The following SUCLG2 variants were observed in gnomAD, a reference collection of about 807,000 sequenced individuals.
SUCLG2 encodes the protein succinate--CoA ligase [GDP-forming] subunit beta, mitochondrial.
A neutral mutation model predicts 47.9 loss-of-function variants in SUCLG2; 42 were observed. The ratio of observed to expected loss-of-function variants is 0.88; its 90% CI spans 0.69 to 1.14. The LOEUF (loss-of-function observed/expected upper bound fraction) is 1.14, where lower values mean the gene tolerates loss of function less well. Ranked by LOEUF, SUCLG2 falls within the 50% of genes most tolerant of loss-of-function variation. The pLI is 0.00. For synonymous variants in SUCLG2, 195 were observed against 197.3 expected (o/e 0.99, Z 0.10); for missense variants, 571 against 525.9 (o/e 1.09, Z -0.84).
chr3:67,536,085 C>A (rs1706534149), intron 2 of SUCLG2, among the ~76,000 whole-genome samples: 2 of 152,148 alleles, frequency 1.3e-5, no homozygotes, highest in Non-Finnish European at 2.9e-5. Context: ...TAAGGGGATT[C>A]TCTCGTCGAC....
chr3:67,549,844 T>A (rs1251527913), intron 2 of SUCLG2, among the ~76,000 whole-genome samples: 1 of 152,164 alleles, frequency 6.6e-6, no homozygotes, highest in African/African-American at 2.4e-5. Flanking sequence ...TTGTAATGGA[T>A]AAATTTTTTC....
intron 6 of SUCLG2, among the ~76,000 whole-genome samples, chr3:67,511,378 T>C (rs1039505189): frequency 2.0e-5 from 3 of 152,190 alleles, no homozygotes; most frequent in African/African-American, 4.8e-5. Flanking sequence ...TTGTAATAAT[T>C]CCCACGTGTT....
intron 6 of SUCLG2, 46 bp downstream of exon 6, chr3:67,518,201 T>G: frequency 2.0e-6 from 3 of 1,498,604 alleles, no homozygotes; most frequent in South Asian, 1.2e-5. Flanking sequence ...TTCCCAAATG[T>G]TTTCTGAAAC....
intron 9 of SUCLG2, among the ~76,000 whole-genome samples, chr3:67,442,202 G>A (rs917941693): frequency 1.3e-5 from 2 of 151,450 alleles, no homozygotes; most frequent in African/African-American, 4.9e-5. Flanking sequence ...AGTAGAGACG[G>A]GGTTTCACCG....
chr3:67,624,171 T>C (rs997329190), intron 1 of SUCLG2, among the ~76,000 whole-genome samples: 1 of 152,256 alleles, frequency 6.6e-6, no homozygotes, highest in Non-Finnish European at 1.5e-5. Context: ...AGACTTCTCA[T>C]CACTTCTTTA....
At chr3:67,386,087 C>G (rs1702251279) in intron 10 of SUCLG2, among the ~76,000 whole-genome samples, 1 of 151,976 alleles carries the variant, frequency 6.6e-6, no homozygotes, top group African/African-American at 2.4e-5. Flanking sequence ...GTAACAGACA[C>G]TTTATTTATT....
intron 1 of SUCLG2, among the ~76,000 whole-genome samples, chr3:67,639,577 C>A (rs527825412): frequency 7.2e-5 from 11 of 152,118 alleles, no homozygotes; most frequent in African/African-American, 2.4e-4. Context: ...AGACAACATG[C>A]CCTTAAAGAA....
chr3:67,647,189 CAA>C (rs1345726958), intron 1 of SUCLG2, among the ~76,000 whole-genome samples: 1 of 152,178 alleles, frequency 6.6e-6, no homozygotes, highest in Non-Finnish European at 1.5e-5. Flanking sequence ...CCACAGGACC[CAA>C]ACTTACACAA....
intron 2 of SUCLG2, among the ~76,000 whole-genome samples, chr3:67,592,432 A>C (rs2772468): frequency 6.6e-6 from 1 of 151,954 alleles, no homozygotes; most frequent in Admixed American, 6.6e-5. Flanking sequence ...AGCAACTTCA[A>C]ATACAATCTC....
intron 9 of SUCLG2, among the ~76,000 whole-genome samples, chr3:67,430,087 G>A (rs1448849259): frequency 6.6e-6 from 1 of 152,146 alleles, no homozygotes; most frequent in Non-Finnish European, 1.5e-5. Context: ...ACTCAGCTCT[G>A]CACCAAGTGG....
At chr3:67,521,322 C>T (rs1287424085) in intron 4 of SUCLG2, among the ~76,000 whole-genome samples, 1 of 152,178 alleles carries the variant, frequency 6.6e-6, no homozygotes, top group Admixed American at 6.5e-5. Flanking sequence ...AAAGGCACCC[C>T]TTCCTCTGGG....
At chr3:67,456,187 G>T (rs973028540) in intron 9 of SUCLG2, among the ~76,000 whole-genome samples, 1 of 152,090 alleles carries the variant, frequency 6.6e-6, no homozygotes, top group Non-Finnish European at 1.5e-5. Flanking sequence ...ATTCAGCCTG[G>T]CCTTCCTCCT....
intron 2 of SUCLG2, among the ~76,000 whole-genome samples, chr3:67,607,735 T>G (rs1158747105): frequency 2.0e-5 from 3 of 152,186 alleles, no homozygotes; most frequent in African/African-American, 7.2e-5. Context: ...CAGGGGGAGA[T>G]AACTGAATCA....
intron 9 of SUCLG2, among the ~76,000 whole-genome samples, chr3:67,414,268 T>G (rs2106843386): frequency 6.6e-6 from 1 of 152,314 alleles, no homozygotes; most frequent in South Asian, 2.1e-4. Flanking sequence ...TGCCACCTAG[T>G]TGAGAAGACT....
At chr3:67,404,173 C>A (rs1305597966) in intron 9 of SUCLG2, among the ~76,000 whole-genome samples, 3 of 152,158 alleles carry the variant, frequency 2.0e-5, no homozygotes, top group Admixed American at 6.6e-5. Flanking sequence ...TGTGAGCCAC[C>A]GTGCCTGGCC....
At chr3:67,408,994 T>C in intron 9 of SUCLG2, 1 of 1,535,524 alleles carries the variant, frequency 6.5e-7, no homozygotes, top group Non-Finnish European at 8.7e-7. Context: ...CTGAGTCCTG[T>C]ATTCTGGTGC....
At chr3:67,489,327 A>G (rs1221410780) in intron 9 of SUCLG2, among the ~76,000 whole-genome samples, 1 of 152,204 alleles carries the variant, frequency 6.6e-6, no homozygotes, top group Non-Finnish European at 1.5e-5. Flanking sequence ...GGGAAAAAAG[A>G]AAAGGGCCCA....
At chr3:67,647,373 AC>A (rs1184226334) in intron 1 of SUCLG2, among the ~76,000 whole-genome samples, 1 of 152,222 alleles carries the variant, frequency 6.6e-6, no homozygotes, top group Non-Finnish European at 1.5e-5. Flanking sequence ...GTAAAAGCTG[AC>A]CATACTCAGT....
At chr3:67,559,486 T>C (rs1707250739) in intron 2 of SUCLG2, among the ~76,000 whole-genome samples, 1 of 152,032 alleles carries the variant, frequency 6.6e-6, no homozygotes, top group Admixed American at 6.5e-5. Flanking sequence ...TCAGATCTTG[T>C]GAGAACTCAC....
Sources: gnomAD v4.1 joint callset for allele counts (sites outside exome capture counted in the v4.1 genomes callset) on GRCh38, gnomAD v4.1.1 for gene constraint, MANE v1.5 for transcripts, NCBI Gene and HGNC (gene_info 2026-07-23, HGNC 2026-07-21) for gene names.